The following SPATA16 variants were observed in gnomAD, a reference collection of about 807,000 sequenced individuals.
SPATA16 encodes the protein spermatogenesis associated 16.
A neutral mutation model predicts 63.3 loss-of-function variants in SPATA16; 36 were observed. The observed-to-expected ratio is 0.57, with a 90% CI of 0.44 to 0.75. The LOEUF is 0.75. Among genes scored for constraint, SPATA16 ranks in the 30% least tolerant of loss-of-function variants. The probability of loss-of-function intolerance (pLI) is 0.00; values close to 1 mark genes in which losing one functional copy is unlikely to be tolerated. For missense variants in SPATA16, 646 were observed against 679.3 expected (o/e 0.95, Z 0.54); for synonymous variants, 203 against 216.7 (o/e 0.94, Z 0.56).
At chr3:172,956,943 A>G in intron 5 of SPATA16, 119 bp from the exon 6 acceptor site, 1 of 1,249,738 alleles carries the variant, frequency 8.0e-7, no homozygotes, top group Non-Finnish European at 1.1e-6. Context: ...CTGCAAAGAT[A>G]ACATATTTTG....
chr3:173,101,217 G>A (rs1358718673), intron 2 of SPATA16, among the ~76,000 whole-genome samples: 1 of 152,112 alleles, frequency 6.6e-6, no homozygotes, highest in African/African-American at 2.4e-5. Flanking sequence ...GGAATGGTAG[G>A]GGGGATAATA....
At chr3:173,046,571 G>GCTT (rs1161077762) in intron 3 of SPATA16, among the ~76,000 whole-genome samples, 1 of 151,880 alleles carries the variant, frequency 6.6e-6, no homozygotes, top group African/African-American at 2.4e-5. Flanking sequence ...CAGAGAAGAT[G>GCTT]CTTCAGCAAA....
At chr3:173,040,722 T>C (rs567162779) in intron 3 of SPATA16, among the ~76,000 whole-genome samples, 1 of 152,294 alleles carries the variant, frequency 6.6e-6, no homozygotes, top group African/African-American at 2.4e-5. Flanking sequence ...ATAATGACCG[T>C]AATGCCATAG....
chr3:172,944,782 C>A (rs1486080325), intron 6 of SPATA16, among the ~76,000 whole-genome samples: 3 of 152,048 alleles, frequency 2.0e-5, no homozygotes, highest in African/African-American at 7.2e-5. Context: ...CTGTCAAATT[C>A]ACAGAGACAG....
chr3:172,895,310 A>G (rs1034703577), intron 10 of SPATA16, among the ~76,000 whole-genome samples: 4 of 152,064 alleles, frequency 2.6e-5, no homozygotes, highest in Non-Finnish European at 5.9e-5. Context: ...CCTGACAACC[A>G]CTAATAAACT....
At chr3:173,062,514 C>A (rs961217576) in intron 2 of SPATA16, among the ~76,000 whole-genome samples, 1 of 152,094 alleles carries the variant, frequency 6.6e-6, no homozygotes, top group African/African-American at 2.4e-5. Context: ...TAAATATATA[C>A]ACGGTATCTT....
At chr3:172,953,268 T>A (rs1383816221) in intron 6 of SPATA16, among the ~76,000 whole-genome samples, 2 of 152,166 alleles carry the variant, frequency 1.3e-5, no homozygotes, top group East Asian at 3.9e-4. Context: ...ACAACCCCCC[T>A]CCCACCTCAA....
chr3:173,063,268 A>G (rs1736432171), intron 2 of SPATA16, among the ~76,000 whole-genome samples: 1 of 152,238 alleles, frequency 6.6e-6, no homozygotes, highest in Admixed American at 6.5e-5. Flanking sequence ...TTTTACTTGC[A>G]TTAATCACTT....
intron 4 of SPATA16, among the ~76,000 whole-genome samples, chr3:173,010,230 T>C (rs1340819479): frequency 6.6e-6 from 1 of 152,226 alleles, no homozygotes; most frequent in East Asian, 1.9e-4. Context: ...CCTACCGTGA[T>C]TGCCAAGGCC....
intron 10 of SPATA16, among the ~76,000 whole-genome samples, chr3:172,905,384 C>T (rs554175863): frequency 2.6e-5 from 4 of 152,088 alleles, no homozygotes; most frequent in Non-Finnish European, 5.9e-5. Flanking sequence ...AATGACTGGC[C>T]GATGAATGAT....
chr3:173,138,904 A>G (rs953997022), intron 1 of SPATA16, among the ~76,000 whole-genome samples: 17 of 152,234 alleles, frequency 1.1e-4, no homozygotes, highest in African/African-American at 3.6e-4. Context: ...ACATAAATGT[A>G]TATCACATCA....
At chr3:172,899,402 T>C (rs1193600925) in intron 10 of SPATA16, among the ~76,000 whole-genome samples, 4 of 152,088 alleles carry the variant, frequency 2.6e-5, no homozygotes, top group Non-Finnish European at 5.9e-5. Context: ...CTGTCTCTGG[T>C]AACTTTTTTT....
rs181289366 is a variant in SPATA16, at chr3:173,006,967, G to A, written c.848+12519C>T. 3.3e-3 allele frequency among the ~76,000 whole-genome samples: 505 copies of A among 152,306 alleles called. 7 individuals carry two copies. Among genetic ancestry groups the A allele is most frequent in the Admixed American group, 0.029 (445 of 15,298 alleles). ...CTTGTTCAAAAATGAATACTTTAAT[G>A]TGTCTCGTCTTAGGCTAGCAGATCA... On this transcript the variant is annotated intron_variant, in intron 4 of 10. Coordinates refer to ENST00000351008, the MANE Select transcript of SPATA16 (RefSeq NM_031955.6).
intron 2 of SPATA16, among the ~76,000 whole-genome samples, chr3:173,052,113 G>T (rs1736114512): frequency 1.3e-5 from 2 of 152,086 alleles, no homozygotes. Flanking sequence ...GGGATAATGT[G>T]GAAGTCATTA....
At chr3:173,108,546 G>A (rs1431382234) in intron 2 of SPATA16, among the ~76,000 whole-genome samples, 2 of 152,060 alleles carry the variant, frequency 1.3e-5, no homozygotes, top group African/African-American at 4.8e-5. Flanking sequence ...AATGATCATT[G>A]CCTGGACCCC....
intron 3 of SPATA16, among the ~76,000 whole-genome samples, chr3:173,048,276 T>A (rs2108293433): frequency 6.6e-6 from 1 of 152,092 alleles, no homozygotes; most frequent in East Asian, 1.9e-4. Context: ...ATATAATCAC[T>A]TTATCTTTGC....
At chr3:172,909,002 T>G (rs1159024665) in intron 10 of SPATA16, among the ~76,000 whole-genome samples, 1 of 152,216 alleles carries the variant, frequency 6.6e-6, no homozygotes, top group Non-Finnish European at 1.5e-5. Flanking sequence ...GGCACCCTGT[T>G]CCTTCCCATT....
chr3:173,036,187 T>C (rs1292374780), intron 3 of SPATA16, among the ~76,000 whole-genome samples: 1 of 152,032 alleles, frequency 6.6e-6, no homozygotes, highest in Non-Finnish European at 1.5e-5. Context: ...TAACAAATTA[T>C]GATTATCAGA....
chr3:173,138,102 G>C (rs1738600532), intron 1 of SPATA16, among the ~76,000 whole-genome samples: 1 of 151,870 alleles, frequency 6.6e-6, no homozygotes, highest in East Asian at 1.9e-4. Context: ...TTTCTTGGTG[G>C]GGGGGTGATA....
Sources: allele counts gnomAD v4.1 joint callset (sites outside exome capture counted in the v4.1 genomes callset), GRCh38; gene constraint gnomAD v4.1.1; transcripts MANE v1.5; gene names NCBI Gene and HGNC (gene_info 2026-07-23, HGNC 2026-07-21).